ELMO1: variants seen among roughly 807,000 people sequenced by gnomAD.
ELMO1 encodes engulfment and cell motility 1.
A neutral mutation model predicts 98.9 loss-of-function variants in ELMO1; 26 were observed. The ratio of observed to expected loss-of-function variants is 0.26; its 90% CI spans 0.19 to 0.36. ELMO1 has a LOEUF of 0.36. ELMO1 is among the 10% of genes least tolerant of loss of function. The pLI, the probability that ELMO1 is intolerant of heterozygous loss-of-function variation, is 1.00. For missense variants in ELMO1, 627 were observed against 935.2 expected, an observed-to-expected ratio of 0.67 and a Z score of 4.30; for synonymous variants, 346 against 346.0, an observed-to-expected ratio of 1.00 and a Z score of 0.00.
intron 10 of ELMO1, among the ~76,000 whole-genome samples, chr7:37,221,324 A>T (rs1196828256): frequency 6.6e-6 from 1 of 152,330 alleles, no homozygotes; most frequent in South Asian, 2.1e-4. Flanking sequence ...AAAAAGCAAA[A>T]TAAAATCCAA....
intron 1 of ELMO1, among the ~76,000 whole-genome samples, chr7:37,348,217 A>T (rs1443630536): frequency 6.6e-6 from 1 of 152,214 alleles, no homozygotes; most frequent in Non-Finnish European, 1.5e-5. Flanking sequence ...AGTATTACTT[A>T]AATTGCCCAG....
chr7:37,198,101 G>A (rs1563072129), intron 13 of ELMO1, among the ~76,000 whole-genome samples: 2 of 152,196 alleles, frequency 1.3e-5, no homozygotes, highest in Admixed American at 6.5e-5. Flanking sequence ...GCTAATTCCT[G>A]AGTAGCAAAA....
intron 16 of ELMO1, among the ~76,000 whole-genome samples, chr7:36,987,453 G>A (rs933421755): frequency 2.6e-5 from 4 of 152,102 alleles, no homozygotes; most frequent in African/African-American, 9.7e-5. Flanking sequence ...ACCGATTTGG[G>A]CTTATGTTAG....
chr7:37,389,663 T>G (rs540252260), intron 1 of ELMO1, among the ~76,000 whole-genome samples: 1 of 152,268 alleles, frequency 6.6e-6, no homozygotes, highest in South Asian at 2.1e-4. Flanking sequence ...TCACAGGTAG[T>G]AGGGAGACAC....
intron 16 of ELMO1, among the ~76,000 whole-genome samples, chr7:36,924,743 G>T (rs1162930936): frequency 6.6e-6 from 1 of 152,120 alleles, no homozygotes; most frequent in African/African-American, 2.4e-5. Context: ...GAACGGAGGG[G>T]AACAGCACCC....
intron 16 of ELMO1, among the ~76,000 whole-genome samples, chr7:36,968,918 T>A (rs1477988734): frequency 1.3e-5 from 2 of 152,150 alleles, no homozygotes; most frequent in Non-Finnish European, 2.9e-5. Context: ...CAGCTTTGGC[T>A]ATATCCCATA....
At chr7:37,089,428 A>C (rs1783954134) in intron 15 of ELMO1, among the ~76,000 whole-genome samples, 1 of 152,238 alleles carries the variant, frequency 6.6e-6, no homozygotes, top group African/African-American at 2.4e-5. Flanking sequence ...GAATTTGGCA[A>C]AACTGTTTCA....
chr7:37,365,009 A>T (rs1173025524), intron 1 of ELMO1, among the ~76,000 whole-genome samples: 2 of 152,208 alleles, frequency 1.3e-5, no homozygotes, highest in Admixed American at 1.3e-4. Context: ...GCTTTTATCA[A>T]ACAGAAAGCT....
At chr7:36,934,957 C>G (rs1350077204) in intron 16 of ELMO1, among the ~76,000 whole-genome samples, 1 of 152,194 alleles carries the variant, frequency 6.6e-6, no homozygotes, top group Non-Finnish European at 1.5e-5. Flanking sequence ...TTTGCTATTA[C>G]TGTGAACAAT....
At chr7:37,236,531 CT>C (rs1794474290) in intron 7 of ELMO1, among the ~76,000 whole-genome samples, 1 of 151,946 alleles carries the variant, frequency 6.6e-6, no homozygotes, top group Non-Finnish European at 1.5e-5. Context: ...ATAATAGGAC[CT>C]ATTTTATATA....
chr7:37,214,379 A>T (rs1000220473), intron 11 of ELMO1, among the ~76,000 whole-genome samples: 1 of 152,192 alleles, frequency 6.6e-6, no homozygotes, highest in Admixed American at 6.5e-5. Context: ...GGGTAGACAG[A>T]CTGCTGCAAA....
At chr7:37,221,766 T>A in intron 10 of ELMO1, among the ~76,000 whole-genome samples, 1 of 151,840 alleles carries the variant, frequency 6.6e-6, no homozygotes, top group Non-Finnish European at 1.5e-5. Context: ...TGATGTCAGC[T>A]CACTGCAACC....
At chr7:37,408,505 G>A (rs901434057) in intron 1 of ELMO1, among the ~76,000 whole-genome samples, 3 of 152,184 alleles carry the variant, frequency 2.0e-5, no homozygotes, top group African/African-American at 4.8e-5. Flanking sequence ...GGGAGAAGCA[G>A]TCTAAATATT....
intron 14 of ELMO1, among the ~76,000 whole-genome samples, chr7:37,132,805 A>G (rs1443754509): frequency 1.3e-5 from 2 of 152,304 alleles, no homozygotes; most frequent in Non-Finnish European, 2.9e-5. Flanking sequence ...ATTTGGAGTC[A>G]TGCAAGTTTT....
chr7:37,420,831 G>A (rs1200861057), intron 1 of ELMO1, among the ~76,000 whole-genome samples: 1 of 152,210 alleles, frequency 6.6e-6, no homozygotes, highest in East Asian at 1.9e-4. Flanking sequence ...CCAAAACTTA[G>A]CCACACGTGA....
chr7:37,375,356 C>G (rs1484121117), intron 1 of ELMO1, among the ~76,000 whole-genome samples: 3 of 152,170 alleles, frequency 2.0e-5, no homozygotes, highest in Non-Finnish European at 2.9e-5. Context: ...TAAGGAACAA[C>G]AGCTGGTTAT....
chr7:36,969,806 CAAACTCT>C (rs929908292), intron 16 of ELMO1, among the ~76,000 whole-genome samples: 3 of 152,106 alleles, frequency 2.0e-5, no homozygotes, highest in Non-Finnish European at 4.4e-5. Context: ...ATTTCCAAAA[CAAACTCT>C]AAATAAATCA....
chr7:37,190,679 T>C (rs1238222484), intron 13 of ELMO1, among the ~76,000 whole-genome samples: 2 of 151,982 alleles, frequency 1.3e-5, no homozygotes, highest in Non-Finnish European at 2.9e-5. Context: ...TTTGTATTTT[T>C]AGTAGAGATG....
intron 16 of ELMO1, among the ~76,000 whole-genome samples, chr7:36,951,283 T>C (rs998295341): frequency 2.6e-5 from 4 of 152,200 alleles, no homozygotes; most frequent in Non-Finnish European, 4.4e-5. Flanking sequence ...TAGGTTAAAA[T>C]CCTATCCCTT....
Sources: gnomAD v4.1 joint callset for allele counts (sites outside exome capture counted in the v4.1 genomes callset) on GRCh38, gnomAD v4.1.1 for gene constraint, MANE v1.5 for transcripts, NCBI Gene and HGNC (gene_info 2026-07-23, HGNC 2026-07-21) for gene names.